Variants in CHST8 observed in about 807,000 individuals in gnomAD.
CHST8 encodes the protein carbohydrate sulfotransferase 8, also known as GALNAC-4-ST1.
A neutral mutation model predicts 15.0 loss-of-function variants in CHST8; 10 were observed. The ratio of observed to expected loss-of-function variants is 0.67; its 90% CI spans 0.41 to 1.13. The LOEUF (loss-of-function observed/expected upper bound fraction) is 1.13, where lower values mean the gene tolerates loss of function less well. CHST8 is among the 50% of genes most tolerant of loss of function. The probability of loss-of-function intolerance (pLI) is 0.00; values close to 1 mark genes in which losing one functional copy is unlikely to be tolerated. For missense variants in CHST8, 634 were observed against 608.2 expected, an observed-to-expected ratio of 1.04 and a Z score of -0.45; for synonymous variants, 259 against 256.6, an observed-to-expected ratio of 1.01 and a Z score of -0.09.
intron 1 of CHST8, among the ~76,000 whole-genome samples, chr19:33,650,681 G>A (rs890084119): frequency 1.9e-4 from 28 of 151,172 alleles, no homozygotes; most frequent in East Asian, 9.7e-4. Context: ...ACAGGCACCC[G>A]CCACCACACC....
At chr19:33,670,781 G>T (rs77742296) in intron 2 of CHST8, among the ~76,000 whole-genome samples, 1 of 152,138 alleles carries the variant, frequency 6.6e-6, no homozygotes, top group East Asian at 1.9e-4. Context: ...ATGTCGGGGG[G>T]CTCTGTTCAT....
At chr19:33,705,143 T>C (rs1334710188) in intron 3 of CHST8, among the ~76,000 whole-genome samples, 2 of 152,032 alleles carry the variant, frequency 1.3e-5, no homozygotes, top group African/African-American at 4.8e-5. Flanking sequence ...GCTCTCCCTA[T>C]ACCCCCTGGG....
chr19:33,745,252 A>G (rs912994752), intron 3 of CHST8, among the ~76,000 whole-genome samples: 3 of 152,206 alleles, frequency 2.0e-5, no homozygotes, highest in Admixed American at 2.0e-4. Context: ...GCTGCCACAG[A>G]GTTAATTGCC....
At chr19:33,736,537 A>G (rs1488879789) in intron 3 of CHST8, among the ~76,000 whole-genome samples, 1 of 152,098 alleles carries the variant, frequency 6.6e-6, no homozygotes, top group Non-Finnish European at 1.5e-5. Context: ...CTCAGACAAG[A>G]TGCATAGCCT....
chr19:33,642,712 A>G lies in CHST8; in HGVS notation c.-164+20416A>G, dbSNP rs559545541. ...AAATGCCTTTGCAAGAGCAAAAAGA[A>G]GATTAAAGTCTTACCGTCCTTTGAA... On this transcript the variant is annotated intron_variant, in intron 1 of 4. Transcript: ENST00000650847. 7.6e-4 allele frequency among the ~76,000 whole-genome samples: 116 copies of G among 152,374 alleles called. 2 individuals are homozygous for G. The highest frequency in any genetic ancestry group is 2.7e-3 in the African/African-American group (113 of 41,592).
chr19:33,686,431 G>A (rs1972981980), intron 2 of CHST8, among the ~76,000 whole-genome samples: 1 of 152,170 alleles, frequency 6.6e-6, no homozygotes, highest in Admixed American at 6.5e-5. Context: ...GTGGATGTCG[G>A]TACTGGCTCG....
intron 3 of CHST8, among the ~76,000 whole-genome samples, chr19:33,697,428 C>T (rs1332116782): frequency 2.6e-5 from 4 of 151,870 alleles, no homozygotes; most frequent in Non-Finnish European, 2.9e-5. Flanking sequence ...GACGGGGTTT[C>T]GCCATGTTGC....
chr19:33,651,575 A>G (rs1274678939), intron 1 of CHST8, among the ~76,000 whole-genome samples: 1 of 152,184 alleles, frequency 6.6e-6, no homozygotes, highest in East Asian at 1.9e-4. Context: ...GTTGGTGTAC[A>G]TAATTATTTC....
chr19:33,762,525 C>T (rs931109242), intron 3 of CHST8, among the ~76,000 whole-genome samples: 1 of 152,262 alleles, frequency 6.6e-6, no homozygotes, highest in African/African-American at 2.4e-5. Context: ...GTCAGGCGCT[C>T]ATCGGCCAGA....
intron 3 of CHST8, among the ~76,000 whole-genome samples, chr19:33,729,003 G>T (rs749869760): frequency 6.6e-6 from 1 of 152,212 alleles, no homozygotes; most frequent in Admixed American, 6.5e-5. Context: ...AGCATCTAGG[G>T]CATGTTGAGA....
At chr19:33,685,945 C>T (rs1972971349) in intron 2 of CHST8, among the ~76,000 whole-genome samples, 1 of 152,220 alleles carries the variant, frequency 6.6e-6, no homozygotes, top group Non-Finnish European at 1.5e-5. Context: ...GTTGGCCAGC[C>T]ATACTGCTGG....
At chr19:33,662,341 G>A (rs1164611199) in intron 1 of CHST8, among the ~76,000 whole-genome samples, 1 of 152,184 alleles carries the variant, frequency 6.6e-6, no homozygotes, top group Non-Finnish European at 1.5e-5. Context: ...GCCTCCCAAA[G>A]TGCTGGGACT....
intron 2 of CHST8, among the ~76,000 whole-genome samples, chr19:33,687,713 C>A (rs1026199129): frequency 2.0e-5 from 3 of 152,174 alleles, no homozygotes; most frequent in Non-Finnish European, 4.4e-5. Context: ...AGCCCTTGAG[C>A]TTTTCAGAAC....
In CHST8 at chr19:33,707,641, G is replaced by A. The variant is rs183937547; in HGVS notation, c.130+18250G>A. 3.7e-4 allele frequency among the ~76,000 whole-genome samples: 57 copies of A among 152,144 alleles called. 1 individual carries two copies. The highest frequency in any genetic ancestry group is 1.3e-3 in the African/African-American group (52 of 41,466). The stretch of plus-strand genomic sequence containing the variant: ...ATATTATTCTATTACATGGAATTGC[G>A]GTTGATCTGTTCACCAGCTGCTGGA... On this transcript the variant is annotated intron_variant, in intron 3 of 4. Coordinates refer to ENST00000650847, the MANE Select transcript of CHST8 (RefSeq NM_001127895.2).
intron 1 of CHST8, among the ~76,000 whole-genome samples, chr19:33,642,182 C>T (rs11669808): frequency 0.29 from 44,411 of 151,736 alleles, 6,806 homozygotes; most frequent in East Asian, 0.49. Flanking sequence ...TGGGAAGGGG[C>T]CAAAGCCCTC....
chr19:33,699,669 A>T (rs965798572), intron 3 of CHST8, among the ~76,000 whole-genome samples: 2 of 152,110 alleles, frequency 1.3e-5, no homozygotes, highest in Non-Finnish European at 2.9e-5. Context: ...GGTCTGCCTG[A>T]TGCCGGGGCT....
chr19:33,710,872 G>GTT (rs10532515), intron 3 of CHST8, among the ~76,000 whole-genome samples: 49 of 138,606 alleles, frequency 3.5e-4, no homozygotes, highest in Non-Finnish European at 3.0e-4. Context: ...AATTTCTGGA[G>GTT]TTTTTTTTTT....
intron 1 of CHST8, among the ~76,000 whole-genome samples, chr19:33,650,793 T>C (rs973605764): frequency 5.9e-5 from 9 of 151,954 alleles, no homozygotes; most frequent in African/African-American, 2.2e-4. Flanking sequence ...CTGCAAACCT[T>C]CGCCTCCCGG....
At position 33,687,011 on chromosome 19, in the gene CHST8, G is replaced by A. The variant is rs10419319; in HGVS notation, c.-86-2165G>A. Reference sequence around the variant, plus strand: ...TGAGAGCCATGGCCCCCCTGTGTCGGTGCGTGACATCTTTTCCATTCTTCT... The same window carrying A: ...TGAGAGCCATGGCCCCCCTGTGTCGATGCGTGACATCTTTTCCATTCTTCT... On this transcript the variant is annotated intron_variant, in intron 2 of 4. Coordinates refer to ENST00000650847, the MANE Select transcript of CHST8 (RefSeq NM_001127895.2). 7.1e-3 allele frequency among the ~76,000 whole-genome samples: 1,077 copies of A among 152,286 alleles called. 12 individuals are homozygous for A. Among genetic ancestry groups the A allele is most frequent in the East Asian group, 0.034 (176 of 5,176 alleles).
Sources: allele counts gnomAD v4.1 joint callset (sites outside exome capture counted in the v4.1 genomes callset), GRCh38; gene constraint gnomAD v4.1.1; transcripts MANE v1.5; gene names NCBI Gene and HGNC (gene_info 2026-07-23, HGNC 2026-07-21).